GLP2R: variants seen among roughly 807,000 people sequenced by gnomAD.
GLP2R encodes glucagon like peptide 2 receptor, also known as glucagon-like peptide 2 receptor.
Under a neutral mutation model 68.2 loss-of-function variants are expected in GLP2R, and 59 were observed. The observed-to-expected ratio is 0.87, with a 90% CI of 0.70 to 1.07. GLP2R has a LOEUF of 1.07. GLP2R is among the 50% of genes least tolerant of loss of function. The pLI is 0.00. For missense variants in GLP2R, 548 were observed against 677.4 expected (o/e 0.81, Z 2.12); for synonymous variants, 270 against 265.4 (o/e 1.02, Z -0.17).
At chr17:9,848,549 C>A (rs1254528502) in intron 4 of GLP2R, among the ~76,000 whole-genome samples, 1 of 152,034 alleles carries the variant, frequency 6.6e-6, no homozygotes, top group Non-Finnish European at 1.5e-5. Flanking sequence ...AAATGGGGAG[C>A]GCTAAGCAAG....
intron 4 of GLP2R, among the ~76,000 whole-genome samples, chr17:9,846,892 G>A (rs2066843796): frequency 6.6e-6 from 1 of 152,192 alleles, no homozygotes; most frequent in African/African-American, 2.4e-5. Flanking sequence ...TCCATCTCAG[G>A]AGACATGGTT....
At chr17:9,844,726 T>A (rs1201180407) in intron 4 of GLP2R, among the ~76,000 whole-genome samples, 1 of 124,782 alleles carries the variant, frequency 8.0e-6, no homozygotes, top group Non-Finnish European at 1.6e-5. Context: ...AGTCTCGCTC[T>A]GTCACCTAGG....
Position 9,878,476 on chromosome 17 carries a change from A to G in GLP2R, c.1146-1902A>G, listed in dbSNP as rs1465896305. Among the ~76,000 whole-genome samples, 4 of 152,234 alleles carry G rather than the reference A, an allele frequency of 2.6e-5. No individual in the cohort carries two copies. The East Asian group carries it at 7.7e-4, about 29-fold the overall frequency. ...AAAACCCTTGAAATGTTCTCTCATT[A>G]GGAGCATATTAATGTTGCCTAGCGA... On this transcript the variant is annotated intron_variant, in intron 10 of 12. Coordinates refer to ENST00000262441, the MANE Select transcript of GLP2R (RefSeq NM_004246.3).
intron 12 of GLP2R, among the ~76,000 whole-genome samples, chr17:9,888,894 A>G (rs1318115458): frequency 6.6e-6 from 1 of 152,244 alleles, no homozygotes; most frequent in Non-Finnish European, 1.5e-5. Flanking sequence ...AGGAGTTGGT[A>G]GAGTTTCCAA....
At chr17:9,831,020 G>A (rs2152029254) in intron 1 of GLP2R, among the ~76,000 whole-genome samples, 1 of 152,298 alleles carries the variant, frequency 6.6e-6, no homozygotes, top group East Asian at 1.9e-4. Context: ...AAGTGCTGTG[G>A]AAAAATTACT....
chr17:9,836,690 C>T (rs2066734764), intron 3 of GLP2R, among the ~76,000 whole-genome samples: 1 of 151,838 alleles, frequency 6.6e-6, no homozygotes, highest in African/African-American at 2.4e-5. Context: ...TTGTGGGGTA[C>T]ATGAGATGTT....
At chr17:9,834,524 ATTG>A (rs575887636) in intron 2 of GLP2R, 4 of 153,628 alleles carry the variant, frequency 2.6e-5, no homozygotes, top group Non-Finnish European at 2.9e-5. Context: ...CGAATATGTA[ATTG>A]TTGTCTGCAG....
Position 9,890,234 on chromosome 17 carries a change from C to T in GLP2R, c.*529C>T, listed in dbSNP as rs2067279906. 2.7e-6 allele frequency: 1 copy of T among 364,504 alleles called. No individual in the cohort carries two copies. Among genetic ancestry groups the T allele is most frequent in the African/African-American group, 2.1e-5 (1 of 46,894 alleles). The allele number at this position is 364,504 out of a possible 1,614,324, so 22.6% of individuals were successfully genotyped here. ...CAGGTAATTCTGCTGCAAGCCCACCCTTGGAGAACACTGGGCAGGGTGAGA... is the reference window on the plus strand; with the variant it reads ...CAGGTAATTCTGCTGCAAGCCCACCTTTGGAGAACACTGGGCAGGGTGAGA... On this transcript the variant is annotated 3_prime_UTR_variant, in exon 13 of 13. Coordinates refer to ENST00000262441, the MANE Select transcript of GLP2R (RefSeq NM_004246.3).
At chr17:9,862,594 T>C (rs944735160) in intron 9 of GLP2R, among the ~76,000 whole-genome samples, 2 of 152,144 alleles carry the variant, frequency 1.3e-5, no homozygotes, top group Non-Finnish European at 2.9e-5. Flanking sequence ...CTTTAATCAT[T>C]GTGGTCCAGA....
At chr17:9,888,883 T>C (rs1440977827) in intron 12 of GLP2R, among the ~76,000 whole-genome samples, 5 of 152,242 alleles carry the variant, frequency 3.3e-5, no homozygotes, top group Admixed American at 2.6e-4. Flanking sequence ...CTCCTGTCTT[T>C]AGGAGTTGGT....
chr17:9,861,270 A>T, intron 8 of GLP2R, 71 bp downstream of exon 8: 1 of 994,984 alleles, frequency 1.0e-6, no homozygotes, highest in Non-Finnish European at 1.6e-6. Flanking sequence ...ACAAAGAATG[A>T]CATCATTTTA....
At position 9,842,499 on chromosome 17, in the gene GLP2R, C is replaced by T. The variant is rs1011983314; in HGVS notation, c.387C>T (p.Ser129=). 1 of 1,613,992 alleles carries T rather than the reference C, an allele frequency of 6.2e-7. No homozygotes were observed. The highest frequency in any genetic ancestry group is 8.5e-7 in the Non-Finnish European group (1 of 1,180,016). The change falls in exon 4 of 13, where the codon AGC becomes AGT. Residue 129 remains serine, a synonymous_variant. Coordinates refer to ENST00000262441, the MANE Select transcript of GLP2R (RefSeq NM_004246.3). ...CAGAGCTTTGTTTACTTTCAGAGAG[C>T]TCAGGAAGGGCCTACAGACACTGCT... ...PSYLPWWSEE[S]SGRAYRHCLA... is the part of the protein sequence containing the mutation.
chr17:9,855,617 C>T (rs549299368), intron 5 of GLP2R, among the ~76,000 whole-genome samples: 48 of 152,334 alleles, frequency 3.2e-4, no homozygotes, highest in African/African-American at 5.1e-4. Context: ...TACTCCTAAG[C>T]GCATTACATG....
intron 1 of GLP2R, 60 bp downstream of exon 1, chr17:9,826,312 A>G: frequency 7.6e-7 from 1 of 1,322,896 alleles, no homozygotes; most frequent in South Asian, 1.6e-5. Context: ...TTTTTTAAAG[A>G]AGCAATTTAG....
chr17:9,842,775 T>C (rs1000419331), intron 4 of GLP2R, among the ~76,000 whole-genome samples, 159 bp downstream of exon 4: 15 of 152,198 alleles, frequency 9.9e-5, no homozygotes, highest in Non-Finnish European at 1.6e-4. Context: ...GCAACCCTTG[T>C]GGCGGCCATG....
At chr17:9,878,063 T>C (rs2067157843) in intron 10 of GLP2R, among the ~76,000 whole-genome samples, 1 of 152,192 alleles carries the variant, frequency 6.6e-6, no homozygotes, top group Non-Finnish European at 1.5e-5. Flanking sequence ...TGTAGGCATA[T>C]AAGTCTGTAT....
chr17:9,852,316 G>A (rs1356492760), intron 4 of GLP2R, among the ~76,000 whole-genome samples: 2 of 152,144 alleles, frequency 1.3e-5, no homozygotes, highest in Non-Finnish European at 2.9e-5. Context: ...GTGAGGACGT[G>A]TGGTATTTGG....
chr17:9,841,500 C>A (rs774872268), intron 3 of GLP2R, among the ~76,000 whole-genome samples: 1 of 152,010 alleles, frequency 6.6e-6, no homozygotes, highest in Non-Finnish European at 1.5e-5. Flanking sequence ...GCAGGGATGA[C>A]AGATTAGCTA....
intron 4 of GLP2R, among the ~76,000 whole-genome samples, chr17:9,848,126 A>C (rs1402853801): frequency 1.3e-5 from 2 of 152,334 alleles, no homozygotes; most frequent in Admixed American, 1.3e-4. Context: ...GAGATATCAC[A>C]CCTCTTAAAG....
Sources: gnomAD v4.1 joint callset for allele counts (sites outside exome capture counted in the v4.1 genomes callset) on GRCh38, gnomAD v4.1.1 for gene constraint, MANE v1.5 for transcripts, NCBI Gene and HGNC (gene_info 2026-07-23, HGNC 2026-07-21) for gene names.